Variants in DTNA observed in about 807,000 individuals in gnomAD.
DTNA encodes the protein dystrobrevin alpha, also known as dystrophin-related protein 3.
Under a neutral mutation model 100.7 loss-of-function variants are expected in DTNA, and 43 were observed. The observed-to-expected ratio is 0.43, with a 90% CI of 0.33 to 0.55. The LOEUF is 0.55. Ranked by LOEUF, DTNA falls within the 20% of genes least tolerant of loss-of-function variation. The pLI, the probability that DTNA is intolerant of heterozygous loss-of-function variation, is 0.04. For missense variants in DTNA, 798 were observed against 953.9 expected (o/e 0.84, Z 2.15); for synonymous variants, 349 against 347.9 (o/e 1.00, Z -0.04).
intron 1 of DTNA, among the ~76,000 whole-genome samples, chr18:34,732,181 T>C (rs1250414447): frequency 6.6e-6 from 1 of 152,206 alleles, no homozygotes; most frequent in African/African-American, 2.4e-5. Flanking sequence ...ACCCATAATT[T>C]ATTTGAAGTA....
At chr18:34,707,536 A>G (rs1246342635), upstream of DTNA, among the ~76,000 whole-genome samples, 2 of 152,156 alleles carry the variant, frequency 1.3e-5, no homozygotes, top group African/African-American at 4.8e-5. Context: ...GCAATCAATC[A>G]TATTAAATGC....
chr18:34,803,334 G>C (rs1019370470), intron 4 of DTNA, among the ~76,000 whole-genome samples: 31 of 151,666 alleles, frequency 2.0e-4, no homozygotes, highest in African/African-American at 6.8e-4. Context: ...TATAACCACT[G>C]TTGGATCTAG....
At chr18:34,842,694 C>G (rs144188324) in intron 13 of DTNA, among the ~76,000 whole-genome samples, 12 of 152,270 alleles carry the variant, frequency 7.9e-5, no homozygotes, top group African/African-American at 2.9e-4. Context: ...CCATTTCACC[C>G]CTACTATATG....
At chr18:34,517,125 C>T (rs927584803) in intron 1 of DTNA, among the ~76,000 whole-genome samples, 6 of 152,064 alleles carry the variant, frequency 3.9e-5, no homozygotes, top group African/African-American at 1.4e-4. Context: ...TGTTCGGGGT[C>T]CCTGACTTCC....
At chr18:34,862,038 A>G (rs192732131) in intron 16 of DTNA, among the ~76,000 whole-genome samples, 3 of 152,046 alleles carry the variant, frequency 2.0e-5, no homozygotes, top group African/African-American at 4.8e-5. Context: ...TATCAAGAAG[A>G]GAACTGGAAA....
chr18:34,744,253 C>CCCCAAAT (rs2091211688), intron 1 of DTNA, among the ~76,000 whole-genome samples: 1 of 152,108 alleles, frequency 6.6e-6, no homozygotes, highest in Non-Finnish European at 1.5e-5. Flanking sequence ...CTAAAAATCA[C>CCCCAAAT]CCCAAATAAA....
intron 1 of DTNA, among the ~76,000 whole-genome samples, chr18:34,510,238 GA>G (rs1223252905): frequency 1.3e-5 from 2 of 151,552 alleles, no homozygotes; most frequent in Non-Finnish European, 2.9e-5. Context: ...ATGCCAATTA[GA>G]TTTTTTTTCC....
In DTNA at chr18:34,888,148, T is replaced by G. The variant is rs9950418; in HGVS notation, c.*414T>G. On this transcript the variant is annotated 3_prime_UTR_variant, in exon 23 of 23. Coordinates refer to ENST00000444659, the MANE Select transcript of DTNA (RefSeq NM_001386795.1). ...CAGTATTAACAAGCATTTTAAACCT[T>G]TGCACATGATATTGAACCTGTTCAG... The G allele has an allele frequency of 4.2e-3, 4,096 of 985,862 alleles. 140 individuals are homozygous for G. The African/African-American group carries it at 0.067, about 16-fold the overall frequency. 61.1% of individuals were successfully genotyped at this position (985,862 alleles called of 1,614,324 possible).
chr18:34,503,520 G>A (rs762264921), intron 1 of DTNA, among the ~76,000 whole-genome samples: 6 of 151,848 alleles, frequency 4.0e-5, no homozygotes, highest in Non-Finnish European at 5.9e-5. Flanking sequence ...TCCCGACCTC[G>A]TGATCTGCCC....
chr18:34,734,944 C>T (rs577964826), intron 1 of DTNA, among the ~76,000 whole-genome samples: 54 of 152,270 alleles, frequency 3.5e-4, no homozygotes, highest in South Asian at 1.2e-3. Flanking sequence ...TCAAAACCAA[C>T]GAAAGAACTC....
At chr18:34,726,718 C>T (rs888571233) in intron 1 of DTNA, among the ~76,000 whole-genome samples, 3 of 152,230 alleles carry the variant, frequency 2.0e-5, no homozygotes, top group African/African-American at 2.4e-5. Context: ...AGACTGCCAC[C>T]GAGTGGCTGC....
intron 17 of DTNA, among the ~76,000 whole-genome samples, chr18:34,870,659 G>T (rs1346370893): frequency 6.6e-6 from 1 of 151,998 alleles, no homozygotes; most frequent in Non-Finnish European, 1.5e-5. Context: ...CCCGAGACCT[G>T]CCCATCTCCC....
At chr18:34,835,388 A>G (rs1423235884) in intron 11 of DTNA, among the ~76,000 whole-genome samples, 1 of 152,246 alleles carries the variant, frequency 6.6e-6, no homozygotes, top group Non-Finnish European at 1.5e-5. Context: ...TCTTTAAACC[A>G]ACACTGGCAA....
At chr18:34,864,176 G>A (rs1208463059) in intron 17 of DTNA, 114 bp downstream of exon 17, 34 of 879,228 alleles carry the variant, frequency 3.9e-5, no homozygotes, top group Non-Finnish European at 2.0e-5. Flanking sequence ...CCCTCAACAT[G>A]TTGTTTCAAG....
intron 1 of DTNA, among the ~76,000 whole-genome samples, chr18:34,577,549 C>G (rs916444134): frequency 3.3e-5 from 5 of 152,052 alleles, no homozygotes; most frequent in Non-Finnish European, 7.4e-5. Context: ...GCACCCATCA[C>G]CTGAACCCCA....
chr18:34,842,692 C>T (rs193073807), intron 13 of DTNA, among the ~76,000 whole-genome samples: 28 of 152,288 alleles, frequency 1.8e-4, no homozygotes, highest in Admixed American at 9.2e-4. Flanking sequence ...TCCCATTTCA[C>T]CCCTACTATA....
At chr18:34,770,936 C>G (rs1293722231) in intron 3 of DTNA, among the ~76,000 whole-genome samples, 1 of 151,942 alleles carries the variant, frequency 6.6e-6, no homozygotes, top group African/African-American at 2.4e-5. Context: ...GCGTGCACCA[C>G]CACGCCCGGC....
At position 34,888,436 on chromosome 18, in the gene DTNA, C is replaced by T. The variant is rs182840042; in HGVS notation, c.*702C>T. On this transcript the variant is annotated 3_prime_UTR_variant, in exon 23 of 23. Coordinates refer to ENST00000444659, the MANE Select transcript of DTNA (RefSeq NM_001386795.1). Reference sequence around the variant, plus strand: ...TGTGAGCAGTGACTTGAACCAAACACACCAGGAATAATCCATTCTTTGGGG... The same window carrying T: ...TGTGAGCAGTGACTTGAACCAAACATACCAGGAATAATCCATTCTTTGGGG... 1 of 985,830 alleles carries T rather than the reference C, an allele frequency of 1.0e-6. No individual in the cohort carries two copies. Among genetic ancestry groups the T allele is most frequent in the Non-Finnish European group, 1.2e-6 (1 of 829,940 alleles). The allele number at this position is 985,830 out of a possible 1,614,324, so 61.1% of individuals were successfully genotyped here.
intron 1 of DTNA, among the ~76,000 whole-genome samples, chr18:34,676,312 C>G (rs1333749316): frequency 6.6e-6 from 1 of 152,146 alleles, no homozygotes; most frequent in Non-Finnish European, 1.5e-5. Flanking sequence ...ACCTACATGC[C>G]TAAAATGCAG....
Sources: gnomAD v4.1 joint callset for allele counts (sites outside exome capture counted in the v4.1 genomes callset) on GRCh38, gnomAD v4.1.1 for gene constraint, MANE v1.5 for transcripts, NCBI Gene and HGNC (gene_info 2026-07-23, HGNC 2026-07-21) for gene names.